Variants in SEMA6B observed in about 807,000 individuals in gnomAD.
SEMA6B encodes the protein semaphorin-6B.
A neutral mutation model predicts 78.6 loss-of-function variants in SEMA6B; 47 were observed. That is an observed-to-expected ratio of 0.60 (90% CI 0.47 to 0.76). The LOEUF is 0.76. Ranked by LOEUF, SEMA6B falls within the 30% of genes least tolerant of loss-of-function variation. The pLI is 0.00. For synonymous variants in SEMA6B, 632 were observed against 592.2 expected, an observed-to-expected ratio of 1.07 and a Z score of -0.98; for missense variants, 1,213 against 1,269.9, an observed-to-expected ratio of 0.96 and a Z score of 0.68.
chr19:4,555,592 A>G lies in SEMA6B; in HGVS notation c.472-28T>C, dbSNP rs1366465625. 6.3e-7 allele frequency: 1 copy of G among 1,586,128 alleles called. No homozygotes were observed. Among genetic ancestry groups the G allele is most frequent in the Non-Finnish European group, 8.6e-7 (1 of 1,157,972 alleles). ...GCAGGGACCATGGGGCCTGAGTGAC[A>G]GATCTCCTGACCCCACCTAGCAGCC... On this transcript the variant is annotated intron_variant, in intron 6 of 16. Transcript: ENST00000586582. The surrounding 1 kb of genome is among the most constrained non-coding windows in gnomAD (Gnocchi z 6.1).
At position 4,555,918 on chromosome 19, in the gene SEMA6B, T is replaced by A; in HGVS notation, c.471+70A>T. 3.3e-6 allele frequency: 4 copies of A among 1,228,464 alleles called. No homozygotes were observed. The highest frequency in any genetic ancestry group is 4.8e-6 in the Non-Finnish European group (4 of 829,662). The allele number at this position is 1,228,464 out of a possible 1,614,324, so 76.1% of individuals were successfully genotyped here. On this transcript the variant is annotated intron_variant, in intron 6 of 16. Coordinates refer to ENST00000586582, the MANE Select transcript of SEMA6B (RefSeq NM_032108.4). This position sits in a 1 kb window ranked among gnomAD's most constrained non-coding sequence, Gnocchi z 6.1. Reference sequence around the variant, plus strand: ...GGTGACACGGCCTGGGGAAAAGCCATGGCCAGCGGAGGTCGGGCGAGCAGA... The same window carrying A: ...GGTGACACGGCCTGGGGAAAAGCCAAGGCCAGCGGAGGTCGGGCGAGCAGA...
Position 4,543,810 on chromosome 19 carries a change from G to T in SEMA6B, c.2458C>A (p.Pro820Thr). 1 of 1,217,632 alleles carries T rather than the reference G, an allele frequency of 8.2e-7. No individual in the cohort carries two copies. Among genetic ancestry groups the T allele is most frequent in the Non-Finnish European group, 1.0e-6 (1 of 978,970 alleles). 75.4% of individuals were successfully genotyped at this position (1,217,632 alleles called of 1,614,324 possible). ...CTGCCCGTCGGGGGCGGGCTCCAGG[G>T]CCGCGGGAGGCCATCGGCGGCTGAG... ...PASAADGLPR[P>T]WSPPPTGSLR... is the part of the protein sequence containing the mutation. The change falls in exon 17 of 17, where the codon CCC (proline) becomes ACC (threonine). Residue 820 changes from proline to threonine, a missense_variant. Coordinates refer to ENST00000586582, the MANE Select transcript of SEMA6B (RefSeq NM_032108.4).
Position 4,546,459 on chromosome 19 carries a change from C to T in SEMA6B, c.1612G>A (p.Gly538Ser), listed in dbSNP as rs372805482. 15 of 1,564,846 alleles carry T rather than the reference C, an allele frequency of 9.6e-6. No homozygotes were observed. Among genetic ancestry groups the T allele is most frequent in the African/African-American group, 9.5e-5 (7 of 73,506 alleles). ...QYSGCMKNCIGSQDPYCGWAP... is the reference protein window; with the variant it reads ...QYSGCMKNCISSQDPYCGWAP... ...CACCCGCAGTAGGGGTCCTGACTGC[C>T]GATACAGTTCCTAGAGCAGACCAGG... is the stretch of plus-strand genomic sequence containing the variant. The change falls in exon 15 of 17, where the codon GGC becomes AGC. Residue 538 changes from glycine to serine, a missense_variant. Transcript: ENST00000586582.
chr19:4,553,428 G>GTGGATGGT (rs1568256865), intron 9 of SEMA6B, among the ~76,000 whole-genome samples: 1 of 83,882 alleles, frequency 1.2e-5, no homozygotes. Flanking sequence ...AGTTGGATGG[G>GTGGATGGT]TGGATGGTTG....
At chr19:4,553,910 T>C (rs1977404071) in intron 9 of SEMA6B, among the ~76,000 whole-genome samples, 1 of 151,722 alleles carries the variant, frequency 6.6e-6, no homozygotes, top group African/African-American at 2.4e-5. Context: ...GGTGGCTAGA[T>C]GAATCGATGG....
intron 9 of SEMA6B, among the ~76,000 whole-genome samples, chr19:4,553,669 T>C (rs1322962544): frequency 7.5e-6 from 1 of 134,126 alleles, no homozygotes; most frequent in Non-Finnish European, 1.6e-5. Context: ...GATGAATGGA[T>C]GGGTGGATGG....
chr19:4,551,843 CCAAA>C (rs199958322), intron 10 of SEMA6B, among the ~76,000 whole-genome samples: 5,613 of 150,780 alleles, frequency 0.037, 188 homozygotes, highest in South Asian at 0.091. Flanking sequence ...AAAAACCAAA[CCAAA>C]CAAACAAACA....
Position 4,556,997 on chromosome 19 carries a change from G to C in SEMA6B, c.323C>G (p.Ser108Cys). 1 of 1,613,258 alleles carries C rather than the reference G, an allele frequency of 6.2e-7. No homozygotes were observed. Among genetic ancestry groups the C allele is most frequent in the Non-Finnish European group, 8.5e-7 (1 of 1,179,588 alleles). ...LRYQRKLTWR[S>C]NPSDINVCRM... ...ACACACGTTTATGTCGCTGGGGTTA[G>C]ATCTCCAGGTCAGCTTCTGCAGACA... The change falls in exon 5 of 17, where the codon TCT becomes TGT. Residue 108 changes from serine to cysteine, a missense_variant. Transcript: ENST00000586582.
chr19:4,559,081 G>C (rs933602728), intron 1 of SEMA6B, among the ~76,000 whole-genome samples: 1 of 151,620 alleles, frequency 6.6e-6, no homozygotes, highest in Non-Finnish European at 1.5e-5. Flanking sequence ...CGTAATCCCT[G>C]CTACTGGAGA....
rs146426032 is a variant in SEMA6B at position 4,548,417 on chromosome 19, C to T, written c.1300G>A (p.Val434Met). The T allele has an allele frequency of 4.6e-5, 74 of 1,612,720 alleles. No individual in the cohort carries two copies. Among genetic ancestry groups the T allele is most frequent in the Non-Finnish European group, 5.6e-5 (66 of 1,179,666 alleles). The change falls in exon 13 of 17, where the codon GTG becomes ATG. Residue 434 changes from valine to methionine, a missense_variant. Transcript: ENST00000586582. ...TGGTTGCCCCAGGGGCCGGCTCCCA[C>T]GTCCACAGCCACTCGAGTCAGCTGG... is the stretch of plus-strand genomic sequence containing the variant. ...RHQLTRVAVDVGAGPWGNQTV... is the reference protein window; with the variant it reads ...RHQLTRVAVDMGAGPWGNQTV...
chr19:4,543,993 GGGCCCGGGC>G lies in SEMA6B; in HGVS notation c.2266_2274del (p.Ala756_Ala758del). On this transcript the variant is annotated inframe_deletion, in exon 17 of 17. Transcript: ENST00000586582. ...TCCCCAGGCGCGGGGGGCTGCTCGG[GGGCCCGGGC>G]GGGCGCCAGCAGCAGGAGGGAGGAT... 1 of 1,207,614 alleles carries G rather than the reference GGGCCCGGGC, an allele frequency of 8.3e-7. No homozygotes were observed. The highest frequency in any genetic ancestry group is 1.0e-6 in the Non-Finnish European group (1 of 972,736). The allele number at this position is 1,207,614 out of a possible 1,614,324, so 74.8% of individuals were successfully genotyped here.
rs1977208227 is a variant in SEMA6B, at chr19:4,547,805, C to CCTCA, written c.1601+218_1601+221dup. 2.0e-5 allele frequency among the ~76,000 whole-genome samples: 3 copies of CCTCA among 152,226 alleles called. No homozygotes were observed. In the South Asian group the frequency reaches 6.2e-4, roughly 32 times the overall value. ...ATCCCCTCCCCGTCCTCCCCTCCTC[C>CCTCA]CTCACTCCCCCTTGCTCACTGTGCT... On this transcript the variant is annotated intron_variant, in intron 14 of 16. Coordinates refer to ENST00000586582, the MANE Select transcript of SEMA6B (RefSeq NM_032108.4).
chr19:4,551,586 C>CT (rs1419488778), intron 10 of SEMA6B, among the ~76,000 whole-genome samples: 1 of 151,570 alleles, frequency 6.6e-6, no homozygotes. Flanking sequence ...AATCCCAACA[C>CT]TTTGGGAGGC....
chr19:4,542,627 G>A lies in SEMA6B; in HGVS notation c.*974C>T, dbSNP rs1977045104. On this transcript the variant is annotated 3_prime_UTR_variant, in exon 17 of 17. Transcript: ENST00000586582. ...ACAGAGTTTTATTGATGGGGAGGGG[G>A]CTGGGGGAGGCAAACTCCAGAGAGG... 1.8e-6 allele frequency: 1 copy of A among 542,186 alleles called. No homozygotes were observed. Among genetic ancestry groups the A allele is most frequent in the African/African-American group, 1.9e-5 (1 of 52,964 alleles). The allele number at this position is 542,186 out of a possible 1,614,324, so 33.6% of individuals were successfully genotyped here.
At chr19:4,546,119 C>T (rs539875698) in intron 16 of SEMA6B, 97 bp downstream of exon 16, 56 of 1,284,178 alleles carry the variant, frequency 4.4e-5, no homozygotes, top group Non-Finnish European at 1.3e-5. Context: ...TTTCCCCACC[C>T]ACCTCCCAGA....
chr19:4,551,378 C>G (rs1328915464), intron 10 of SEMA6B, among the ~76,000 whole-genome samples: 1 of 151,836 alleles, frequency 6.6e-6, no homozygotes, highest in African/African-American at 2.4e-5. Flanking sequence ...CACCACCACA[C>G]CCAGCTAATT....
chr19:4,547,231 A>G (rs1210354291), intron 14 of SEMA6B, among the ~76,000 whole-genome samples: 1 of 151,882 alleles, frequency 6.6e-6, no homozygotes, highest in Non-Finnish European at 1.5e-5. Context: ...TTGGCCTCCC[A>G]AGTGCTGGGA....
intron 12 of SEMA6B, among the ~76,000 whole-genome samples, chr19:4,548,700 C>T (rs1298690295): frequency 6.6e-6 from 1 of 152,262 alleles, no homozygotes; most frequent in Non-Finnish European, 1.5e-5. Context: ...TGGAGTCTCA[C>T]TCTGTCACCC....
At position 4,554,866 on chromosome 19, in the gene SEMA6B, GA is replaced by G; in HGVS notation, c.682+109del. 8 of 1,321,396 alleles carry G rather than the reference GA, an allele frequency of 6.1e-6. No homozygotes were observed. In the East Asian group the frequency reaches 9.3e-5, roughly 15 times the overall value. The allele number at this position is 1,321,396 out of a possible 1,614,324, so 81.9% of individuals were successfully genotyped here. A position where few individuals can be genotyped will look rare whatever the true frequency, so the allele number is the denominator to read the frequency against. ...GCCAACAGATTCCAAAGATGTGGTG[GA>G]AATCTCTCCACCAAGCTCCTCTGGG... is the stretch of plus-strand genomic sequence containing the variant. On this transcript the variant is annotated intron_variant, in intron 8 of 16. Transcript: ENST00000586582.
Sources: allele counts gnomAD v4.1 joint callset (sites outside exome capture counted in the v4.1 genomes callset), GRCh38; gene constraint gnomAD v4.1.1; non-coding constraint Gnocchi (gnomAD v3.1); transcripts MANE v1.5; gene names NCBI Gene and HGNC (gene_info 2026-07-23, HGNC 2026-07-21).